The following SPRED2 variants were observed in gnomAD, a reference collection of about 807,000 sequenced individuals.
The protein encoded by SPRED2 is sprouty-related, EVH1 domain-containing protein 2.
A neutral mutation model predicts 43.0 loss-of-function variants in SPRED2; 47 were observed. The ratio of observed to expected loss-of-function variants is 1.09; its 90% CI spans 0.87 to 1.40. The LOEUF is 1.40. Ranked by LOEUF, SPRED2 falls within the 40% of genes most tolerant of loss-of-function variation. SPRED2 has a pLI of 0.00. For synonymous variants in SPRED2, 225 were observed against 225.7 expected, an observed-to-expected ratio of 1.00 and a Z score of 0.03; for missense variants, 561 against 586.4, an observed-to-expected ratio of 0.96 and a Z score of 0.45.
At chr2:65,331,133 CG>C (rs1418660599) in intron 4 of SPRED2, among the ~76,000 whole-genome samples, 2 of 152,088 alleles carry the variant, frequency 1.3e-5, no homozygotes, top group African/African-American at 4.8e-5. Flanking sequence ...CCAGGCTGGG[CG>C]TGGTGGCTAA....
chr2:65,328,836 C>T (rs1387585203), intron 4 of SPRED2, among the ~76,000 whole-genome samples: 1 of 152,106 alleles, frequency 6.6e-6, no homozygotes, highest in African/African-American at 2.4e-5. Context: ...GTAGATCTGC[C>T]CTCAGCTTTA....
chr2:65,410,379 C>A (rs1407804452), intron 1 of SPRED2, among the ~76,000 whole-genome samples: 1 of 152,190 alleles, frequency 6.6e-6, no homozygotes, highest in East Asian at 1.9e-4. Flanking sequence ...TCGTTCATGG[C>A]ATCTGATTAT....
In SPRED2 at chr2:65,311,902, T is replaced by C. The variant is rs1043931545; in HGVS notation, c.*1599A>G. The C allele has an allele frequency of 4.1e-6, 4 of 985,214 alleles. No individual in the cohort carries two copies. Among genetic ancestry groups the C allele is most frequent in the Non-Finnish European group, 4.8e-6 (4 of 829,932 alleles). 61.0% of individuals were successfully genotyped at this position (985,214 alleles called of 1,614,324 possible). ...AAAAGTCCCTTTCCTTGAAGACTGG[T>C]GTCCTGTGTGCAATAAAGAAGGAGT... On this transcript the variant is annotated 3_prime_UTR_variant, in exon 6 of 6. Transcript: ENST00000356388.
intron 5 of SPRED2, among the ~76,000 whole-genome samples, chr2:65,315,117 C>T (rs1673197089): frequency 6.8e-6 from 1 of 146,188 alleles, no homozygotes; most frequent in African/African-American, 2.8e-5. Context: ...TGCATATAAC[C>T]CTGGCTCACC....
chr2:65,400,530 C>T (rs1298434563), intron 1 of SPRED2, among the ~76,000 whole-genome samples: 1 of 152,206 alleles, frequency 6.6e-6, no homozygotes, highest in Non-Finnish European at 1.5e-5. Flanking sequence ...TACTGGGGTA[C>T]AGGTGGCATT....
intron 1 of SPRED2, among the ~76,000 whole-genome samples, chr2:65,431,537 A>G (rs1477382481): frequency 6.6e-6 from 1 of 152,224 alleles, no homozygotes; most frequent in Non-Finnish European, 1.5e-5. Context: ...TGGGCTCCGG[A>G]GCGGACTGCA....
At chr2:65,316,664 G>C (rs1019316824) in intron 5 of SPRED2, 70 bp downstream of exon 5, 14 of 1,532,374 alleles carry the variant, frequency 9.1e-6, no homozygotes, top group African/African-American at 2.7e-5. Flanking sequence ...CTGAATAGGA[G>C]GGGAAAGAGG....
In SPRED2 at chr2:65,316,788, A is replaced by G; in HGVS notation, c.534T>C (p.Tyr178=). The change falls in exon 5 of 6, where the codon TAT becomes TAC. Residue 178 remains tyrosine, a synonymous_variant. Transcript: ENST00000356388. The part of the protein sequence containing the change: ...SPTSCEHRRI[Y]TLGHLHDSYP... ...ATGAGTCGTGGAGGTGGCCCAGGGTATAAATCCTCCGGTGCTCACAGGATG... is the reference window on the plus strand; with the variant it reads ...ATGAGTCGTGGAGGTGGCCCAGGGTGTAAATCCTCCGGTGCTCACAGGATG... The G allele has an allele frequency of 6.2e-7, 1 of 1,613,370 alleles. No individual in the cohort carries two copies. Among genetic ancestry groups the G allele is most frequent in the South Asian group, 1.1e-5 (1 of 90,814 alleles).
chr2:65,401,935 G>A (rs140406175), intron 1 of SPRED2, among the ~76,000 whole-genome samples: 6,502 of 89,320 alleles, frequency 0.073, 246 homozygotes, highest in South Asian at 0.2. Context: ...TAGCGCGCGC[G>A]CGCACACACA....
At chr2:65,363,011 T>G (rs150762321) in intron 1 of SPRED2, among the ~76,000 whole-genome samples, 61,213 of 137,052 alleles carry the variant, frequency 0.45, 13,925 homozygotes, top group East Asian at 0.76. Context: ...TTTTGTTTTT[T>G]TTTTTTTTTT....
chr2:65,401,779 G>A (rs977241310), intron 1 of SPRED2, among the ~76,000 whole-genome samples: 19 of 151,790 alleles, frequency 1.3e-4, no homozygotes, highest in Non-Finnish European at 2.5e-4. Flanking sequence ...CAGCCTGGGC[G>A]ACAGAGCCAG....
At position 65,312,674 on chromosome 2, in the gene SPRED2, A is replaced by T. The variant is rs1483871043; in HGVS notation, c.*827T>A. The T allele has an allele frequency of 3.0e-6, 3 of 985,874 alleles. No homozygotes were observed. The highest frequency in any genetic ancestry group is 3.6e-6 in the Non-Finnish European group (3 of 829,926). The allele number at this position is 985,874 out of a possible 1,614,324, so 61.1% of individuals were successfully genotyped here. Reference sequence around the variant, plus strand: ...ATGTTCTACTTTAGGGGTAATGGGGAGGCTCATAGAAACCTGAAATCCCCA... The same window carrying T: ...ATGTTCTACTTTAGGGGTAATGGGGTGGCTCATAGAAACCTGAAATCCCCA... On this transcript the variant is annotated 3_prime_UTR_variant, in exon 6 of 6. Transcript: ENST00000356388.
intron 1 of SPRED2, among the ~76,000 whole-genome samples, chr2:65,387,106 T>C (rs537035449): frequency 1.3e-5 from 2 of 152,266 alleles, no homozygotes; most frequent in South Asian, 4.1e-4. Flanking sequence ...TCTCACAGTA[T>C]TGATGGAGTG....
intron 2 of SPRED2, among the ~76,000 whole-genome samples, chr2:65,341,070 TGAGA>T (rs138303377): frequency 0.11 from 15,041 of 139,060 alleles, 1,195 homozygotes; most frequent in Non-Finnish European, 0.16. Context: ...GGGAGGGCAG[TGAGA>T]GAGAGAGAGG....
chr2:65,406,313 A>G (rs187397099), intron 1 of SPRED2, among the ~76,000 whole-genome samples: 272 of 152,104 alleles, frequency 1.8e-3, no homozygotes, highest in Middle Eastern at 0.01. Context: ...CCAACTTTCC[A>G]ATCCTCCCAC....
At chr2:65,323,169 A>AT (rs1350986875) in intron 4 of SPRED2, among the ~76,000 whole-genome samples, 1 of 151,998 alleles carries the variant, frequency 6.6e-6, no homozygotes, top group Non-Finnish European at 1.5e-5. Context: ...AATTTTTTAT[A>AT]TTTTTAGTAG....
chr2:65,322,403 C>T (rs1361311810), intron 4 of SPRED2, among the ~76,000 whole-genome samples: 1 of 150,190 alleles, frequency 6.7e-6, no homozygotes, highest in Non-Finnish European at 1.5e-5. Context: ...ACGCCGTTCT[C>T]CTGCCTCAGC....
At chr2:65,349,328 A>AAAAAAAAC (rs1674442598) in intron 1 of SPRED2, among the ~76,000 whole-genome samples, 1 of 151,664 alleles carries the variant, frequency 6.6e-6, no homozygotes, top group Non-Finnish European at 1.5e-5. Flanking sequence ...AAAAAAAAAA[A>AAAAAAAAC]AAGAATCTTC....
intron 1 of SPRED2, among the ~76,000 whole-genome samples, chr2:65,403,111 A>G (rs2103732896): frequency 6.6e-6 from 1 of 152,364 alleles, no homozygotes; most frequent in Admixed American, 6.5e-5. Context: ...AAAGGTCCAC[A>G]GTGAATGCTG....
Sources: allele counts gnomAD v4.1 joint callset (sites outside exome capture counted in the v4.1 genomes callset), GRCh38; gene constraint gnomAD v4.1.1; transcripts MANE v1.5; gene names NCBI Gene and HGNC (gene_info 2026-07-23, HGNC 2026-07-21).